Variants in AFAP1L2 observed in about 807,000 individuals in gnomAD.
AFAP1L2 encodes the protein actin filament associated protein 1 like 2, also known as actin filament-associated protein 1-like 2.
A neutral mutation model predicts 99.3 loss-of-function variants in AFAP1L2; 46 were observed. The observed-to-expected ratio is 0.46, with a 90% confidence interval of 0.37 to 0.59. The LOEUF (loss-of-function observed/expected upper bound fraction) is 0.59. Ranked by LOEUF, AFAP1L2 falls within the 20% of genes least tolerant of loss-of-function variation. AFAP1L2 has a pLI of 0.00. For missense variants in AFAP1L2, 959 were observed against 1,034.9 expected (o/e 0.93, Z 1.01); for synonymous variants, 397 against 419.1 (o/e 0.95, Z 0.64).
At chr10:114,289,445 A>G in the AFAP1L2 span, 1 of 1,614,146 alleles carries the variant, frequency 6.2e-7, no homozygotes, top group Non-Finnish European at 8.5e-7. Flanking sequence ...GCTTACGCCG[A>G]CCTGCGGTAC....
Position 114,297,016 on chromosome 10 carries a change from C to T in AFAP1L2, c.2392G>A (p.Val798Met), listed in dbSNP as rs201700224. The T allele has an allele frequency of 3.3e-5, 54 of 1,614,160 alleles. 1 individual carries two copies. The highest frequency in any genetic ancestry group is 2.2e-4 in the Admixed American group (13 of 60,020). Residue 798 changes from valine to methionine, a missense_variant, in exon 18 of 19, where the codon GTG becomes ATG. This residue lies in a region of AFAP1L2 where 576 missense variants were observed against 562.1 expected (regional missense o/e 1.02). Transcript: ENST00000304129. ...TTLKNRPLSV[V>M]VTGKGTVLQK... ...AGTACAGTGCCTTTGCCTGTGACCA[C>T]GACCGAGAGAGGCCTGTTCTTGAGT...
intron 3 of AFAP1L2, 74 bp downstream of exon 3, chr10:114,333,147 G>T: frequency 7.3e-7 from 1 of 1,374,696 alleles, no homozygotes; most frequent in Non-Finnish European, 1.0e-6. Context: ...AGAGAGGTGG[G>T]ACAGAACCAG....
At chr10:114,397,295 T>G (rs1324865731) in intron 1 of AFAP1L2, among the ~76,000 whole-genome samples, 1 of 152,206 alleles carries the variant, frequency 6.6e-6, no homozygotes, top group Non-Finnish European at 1.5e-5. Context: ...TACTGATCTG[T>G]TTCCCTATAG....
chr10:114,285,961 C>A, the AFAP1L2 span: 2 of 1,603,938 alleles, frequency 1.2e-6, no homozygotes, highest in Non-Finnish European at 1.7e-6. Flanking sequence ...GCCTGGAATG[C>A]AGGGTCGACC....
chr10:114,286,541 C>A, the AFAP1L2 span: 1 of 1,510,440 alleles, frequency 6.6e-7, no homozygotes, highest in Non-Finnish European at 8.8e-7. Flanking sequence ...CCCAGGACCG[C>A]TGGTCAGTGG....
the AFAP1L2 span, chr10:114,285,932 C>T: frequency 1.9e-6 from 3 of 1,576,154 alleles, no homozygotes; most frequent in South Asian, 3.5e-5. Context: ...TGCTGTGATC[C>T]CCGCAGCCCT....
At chr10:114,403,838 C>A (rs2138596406) in intron 1 of AFAP1L2, among the ~76,000 whole-genome samples, 1 of 152,324 alleles carries the variant, frequency 6.6e-6, no homozygotes, top group South Asian at 2.1e-4. Context: ...TCCATTCGGC[C>A]CCCGACCCTC....
chr10:114,397,266 C>T (rs552584486), intron 1 of AFAP1L2, among the ~76,000 whole-genome samples: 3 of 152,350 alleles, frequency 2.0e-5, no homozygotes, highest in Non-Finnish European at 2.9e-5. Flanking sequence ...CGCCTTCCCC[C>T]AGTCCCAGTC....
At chr10:114,323,144 TC>T (rs1186079456) in intron 5 of AFAP1L2, 26 bp downstream of exon 5, 2 of 1,562,594 alleles carry the variant, frequency 1.3e-6, no homozygotes, top group Non-Finnish European at 1.7e-6. Flanking sequence ...TAAGTCACCC[TC>T]CCAAGCCCCA....
rs573662998 is a variant in AFAP1L2, at chr10:114,297,334, C to T, written c.2193G>A (p.Val731=). The change falls in exon 17 of 19, where the codon GTG becomes GTA. Residue 731 remains valine, a synonymous_variant. Coordinates refer to ENST00000304129, the MANE Select transcript of AFAP1L2 (RefSeq NM_001001936.3). ...EECRGEESRR[V]DLELSIMEVK... is the part of the protein sequence containing the mutation. Reference sequence around the variant, plus strand: ...CCTCCATGATGCTGAGCTCCAGGTCCACGCGCCTGCTCTCCTCGCCCCGGC... The same window carrying T: ...CCTCCATGATGCTGAGCTCCAGGTCTACGCGCCTGCTCTCCTCGCCCCGGC... 1.9e-6 allele frequency: 3 copies of T among 1,613,934 alleles called. No individual in the cohort carries two copies. The highest frequency in any genetic ancestry group is 4.5e-5 in the East Asian group (2 of 44,870).
intron 1 of AFAP1L2, among the ~76,000 whole-genome samples, chr10:114,354,047 G>C (rs992890054): frequency 6.6e-6 from 1 of 152,202 alleles, no homozygotes; most frequent in Non-Finnish European, 1.5e-5. Context: ...TTGGCTCATG[G>C]AGCACGACCG....
At chr10:114,319,283 A>G (rs1035102098) in intron 5 of AFAP1L2, among the ~76,000 whole-genome samples, 5 of 150,902 alleles carry the variant, frequency 3.3e-5, no homozygotes, top group African/African-American at 1.2e-4. Flanking sequence ...ATCCCTAGGT[A>G]GACTCTACCT....
At chr10:114,341,552 G>A (rs1241909687) in intron 1 of AFAP1L2, among the ~76,000 whole-genome samples, 2 of 151,270 alleles carry the variant, frequency 1.3e-5, no homozygotes, top group Non-Finnish European at 2.9e-5. Context: ...GGCGGAGGTT[G>A]CAGTGAGCTG....
intron 1 of AFAP1L2, among the ~76,000 whole-genome samples, chr10:114,380,519 T>C (rs1487667675): frequency 6.6e-6 from 1 of 152,200 alleles, no homozygotes; most frequent in African/African-American, 2.4e-5. Context: ...CAATGTTGGG[T>C]TTGATTTACA....
chr10:114,288,679 C>T, the AFAP1L2 span, among the ~76,000 whole-genome samples: 30 of 152,302 alleles, frequency 2.0e-4, no homozygotes, highest in East Asian at 4.4e-3. Flanking sequence ...TGATCACGTC[C>T]GTCAGATAGA....
At chr10:114,363,078 G>C in intron 1 of AFAP1L2, 1 of 985,414 alleles carries the variant, frequency 1.0e-6, no homozygotes, top group Non-Finnish European at 1.2e-6. Context: ...CCCCTCACTT[G>C]GTGACAGTGG....
In AFAP1L2 at chr10:114,377,224, A is replaced by G. The variant is rs2054926136; in HGVS notation, c.16+27216T>C. On this transcript the variant is annotated intron_variant, in intron 1 of 18. Coordinates refer to ENST00000304129, the MANE Select transcript of AFAP1L2 (RefSeq NM_001001936.3). This position sits in a 1 kb window ranked among gnomAD's most constrained non-coding sequence, Gnocchi z 4.0. Reference sequence around the variant, plus strand: ...ACTCCATCTAACCTAGCACACAAACAGTTATCACACAAGTGTAGCAGAAGG... The same window carrying G: ...ACTCCATCTAACCTAGCACACAAACGGTTATCACACAAGTGTAGCAGAAGG... Among the ~76,000 whole-genome samples, 1 of 152,264 alleles carries G rather than the reference A, an allele frequency of 6.6e-6. No individual in the cohort carries two copies. The highest frequency in any genetic ancestry group is 1.5e-5 in the Non-Finnish European group (1 of 68,056).
At chr10:114,352,660 C>T (rs1889455) in intron 1 of AFAP1L2, among the ~76,000 whole-genome samples, 150,654 of 152,296 alleles carry the variant, frequency 0.99, 74,536 homozygotes, top group East Asian at 1. Flanking sequence ...GTTTTCAAAG[C>T]TTTCTGTAGC....
chr10:114,289,303 G>A, the AFAP1L2 span: 59 of 1,613,984 alleles, frequency 3.7e-5, no homozygotes, highest in South Asian at 6.3e-4. Context: ...GAGAGGCGCA[G>A]AGGATGCAGC....
Sources: allele counts gnomAD v4.1 joint callset (sites outside exome capture counted in the v4.1 genomes callset), GRCh38; gene constraint gnomAD v4.1.1; regional missense constraint gnomAD v4.1.1; non-coding constraint Gnocchi (gnomAD v3.1); transcripts MANE v1.5; gene names NCBI Gene and HGNC (gene_info 2026-07-23, HGNC 2026-07-21).